Variants in GRID2 observed in about 807,000 individuals in gnomAD.
The protein encoded by GRID2 is glutamate receptor ionotropic, delta-2.
Under a neutral mutation model 114.8 loss-of-function variants are expected in GRID2, and 33 were observed. The observed-to-expected ratio is 0.29, with a 90% CI of 0.22 to 0.38. The LOEUF is 0.38. GRID2 is among the 10% of genes least tolerant of loss of function. GRID2 has a pLI of 1.00. For missense variants in GRID2, 1,184 were observed against 1,257.7 expected (o/e 0.94, Z 0.89); for synonymous variants, 505 against 449.9 (o/e 1.12, Z -1.55).
intron 13 of GRID2, among the ~76,000 whole-genome samples, chr4:93,601,667 C>T (rs898792975): frequency 6.6e-6 from 1 of 152,158 alleles, no homozygotes; most frequent in Non-Finnish European, 1.5e-5. Context: ...GGGATTAGTC[C>T]TGTTTAATCT....
chr4:92,808,775 C>T (rs1227743529), intron 2 of GRID2, among the ~76,000 whole-genome samples: 8 of 151,244 alleles, frequency 5.3e-5, no homozygotes, highest in Admixed American at 5.3e-4. Context: ...GTTAATAAGG[C>T]AAAAGATCGT....
intron 2 of GRID2, among the ~76,000 whole-genome samples, chr4:92,931,665 G>A (rs1161053264): frequency 6.7e-6 from 1 of 149,210 alleles, no homozygotes; most frequent in Admixed American, 6.7e-5. Context: ...TAGATCTAGA[G>A]TAACCAAAAT....
At chr4:93,221,774 G>A (rs1441608007) in intron 6 of GRID2, among the ~76,000 whole-genome samples, 3 of 152,108 alleles carry the variant, frequency 2.0e-5, no homozygotes, top group African/African-American at 7.2e-5. Context: ...GAGGGGTAAT[G>A]AAAAGCTCAG....
chr4:93,542,438 C>A (rs551844641), intron 13 of GRID2, among the ~76,000 whole-genome samples: 1 of 152,206 alleles, frequency 6.6e-6, no homozygotes, highest in South Asian at 2.1e-4. Flanking sequence ...CAACAAATAG[C>A]CAACAATTCT....
chr4:93,687,240 A>G (rs776235912), intron 14 of GRID2, among the ~76,000 whole-genome samples: 7 of 152,072 alleles, frequency 4.6e-5, no homozygotes, highest in Non-Finnish European at 1.0e-4. Flanking sequence ...TACCATCAGT[A>G]GATATGGAAA....
intron 2 of GRID2, among the ~76,000 whole-genome samples, chr4:93,002,417 A>G (rs995421867): frequency 4.0e-5 from 6 of 151,760 alleles, no homozygotes; most frequent in Middle Eastern, 3.4e-3. Flanking sequence ...CAAAAAAAAC[A>G]TAGTTGATGG....
intron 2 of GRID2, among the ~76,000 whole-genome samples, chr4:92,683,797 C>A: frequency 6.6e-6 from 1 of 151,706 alleles, no homozygotes; most frequent in Non-Finnish European, 1.5e-5. Flanking sequence ...AAAATAAATT[C>A]AGTTACATAA....
At chr4:93,802,733 A>G (rs1734956037) in intron 1 of GRID2, among the ~76,000 whole-genome samples, 2 of 152,210 alleles carry the variant, frequency 1.3e-5, no homozygotes, top group African/African-American at 2.4e-5. Flanking sequence ...GCAAAAACCC[A>G]TAGTCAACAT....
At chr4:92,418,610 G>A (rs1283571407) in intron 1 of GRID2, among the ~76,000 whole-genome samples, 2 of 152,004 alleles carry the variant, frequency 1.3e-5, no homozygotes, top group African/African-American at 4.8e-5. Flanking sequence ...GAGATGAATT[G>A]CTAACAAATG....
At chr4:92,676,407 T>C (rs1352337111) in intron 2 of GRID2, among the ~76,000 whole-genome samples, 3 of 151,322 alleles carry the variant, frequency 2.0e-5, no homozygotes, top group East Asian at 3.9e-4. Flanking sequence ...GTCTCGATCT[T>C]CTGACCTCAT....
intron 2 of GRID2, among the ~76,000 whole-genome samples, chr4:92,689,898 G>A (rs1237859285): frequency 1.3e-5 from 2 of 152,154 alleles, no homozygotes; most frequent in East Asian, 3.9e-4. Flanking sequence ...CAGCCTTCAC[G>A]TAATTGAAGA....
intron 2 of GRID2, among the ~76,000 whole-genome samples, chr4:92,813,490 A>G (rs1740746989): frequency 6.6e-6 from 1 of 152,128 alleles, no homozygotes; most frequent in African/African-American, 2.4e-5. Context: ...ATATACAAAC[A>G]TTCAATTCAT....
intron 14 of GRID2, among the ~76,000 whole-genome samples, chr4:93,637,665 G>A (rs1000262621): frequency 1.3e-5 from 2 of 152,158 alleles, no homozygotes; most frequent in Non-Finnish European, 2.9e-5. Flanking sequence ...AATTGAAACT[G>A]TCTTGCATCA....
chr4:93,634,442 G>C (rs1721231686), intron 14 of GRID2, among the ~76,000 whole-genome samples: 1 of 152,172 alleles, frequency 6.6e-6, no homozygotes, highest in Non-Finnish European at 1.5e-5. Flanking sequence ...ACAGCTGCTA[G>C]TTATAAAGCA....
chr4:92,459,103 A>T (rs533673845), intron 1 of GRID2, among the ~76,000 whole-genome samples: 1 of 152,300 alleles, frequency 6.6e-6, no homozygotes, highest in South Asian at 2.1e-4. Flanking sequence ...TCATGCATAC[A>T]TTACTTAATT....
In GRID2 at chr4:93,226,517, A is replaced by G. The variant is rs534951939; in HGVS notation, c.1125+1742A>G. Reference sequence around the variant, plus strand: ...TTACACCATGTCCTCATTTCTGGATACGCTGAGACAGGGATTGGGCCCGCA... The same window carrying G: ...TTACACCATGTCCTCATTTCTGGATGCGCTGAGACAGGGATTGGGCCCGCA... On this transcript the variant is annotated intron_variant, in intron 7 of 15. Transcript: ENST00000282020. 1.6e-4 allele frequency among the ~76,000 whole-genome samples: 25 copies of G among 152,338 alleles called. No individual in the cohort carries two copies. The South Asian group carries it at 4.8e-3, about 29-fold the overall frequency.
intron 6 of GRID2, among the ~76,000 whole-genome samples, chr4:93,221,021 G>A (rs1744810687): frequency 6.6e-6 from 1 of 152,120 alleles, no homozygotes; most frequent in South Asian, 2.1e-4. Context: ...ATTACATGAA[G>A]AATCCTGGTT....
At chr4:93,243,491 G>A (rs1381568068) in intron 8 of GRID2, among the ~76,000 whole-genome samples, 1 of 152,026 alleles carries the variant, frequency 6.6e-6, no homozygotes, top group East Asian at 1.9e-4. Flanking sequence ...AGTTGTCAGT[G>A]TTTATTCTGC....
chr4:92,592,808 A>C (rs1164408527), intron 2 of GRID2, among the ~76,000 whole-genome samples: 4 of 145,844 alleles, frequency 2.7e-5, no homozygotes, highest in African/African-American at 1.0e-4. Context: ...AGAAGTAAAA[A>C]TACTTATTTA....
Sources: allele counts gnomAD v4.1 joint callset (sites outside exome capture counted in the v4.1 genomes callset), GRCh38; gene constraint gnomAD v4.1.1; transcripts MANE v1.5; gene names NCBI Gene and HGNC (gene_info 2026-07-23, HGNC 2026-07-21).